The following DIAPH3 variants were observed in gnomAD, a reference collection of about 807,000 sequenced individuals.
DIAPH3 encodes the protein protein diaphanous homolog 3.
DIAPH3 carries 117 observed loss-of-function variants against 144.3 expected under a neutral mutation model. The ratio of observed to expected loss-of-function variants is 0.81; its 90% CI spans 0.70 to 0.95. The LOEUF is 0.95. Ranked by LOEUF, DIAPH3 falls within the 40% of genes least tolerant of loss-of-function variation. DIAPH3 has a pLI of 0.00. For missense variants in DIAPH3, 1,421 were observed against 1,412.7 expected (o/e 1.01, Z -0.09); for synonymous variants, 519 against 488.9 (o/e 1.06, Z -0.81).
intron 25 of DIAPH3, among the ~76,000 whole-genome samples, chr13:59,797,429 TGAAG>T (rs1372171480): frequency 2.0e-5 from 3 of 152,216 alleles, no homozygotes; most frequent in African/African-American, 7.2e-5. Context: ...ATTCTGCTAA[TGAAG>T]GAAGTATTTC....
chr13:59,802,922 G>A (rs2040014169), intron 25 of DIAPH3, among the ~76,000 whole-genome samples: 1 of 150,732 alleles, frequency 6.6e-6, no homozygotes, highest in Non-Finnish European at 1.5e-5. Context: ...CTGACCTCAT[G>A]ATCCACCCGC....
intron 25 of DIAPH3, among the ~76,000 whole-genome samples, chr13:59,798,821 G>A (rs1223014515): frequency 6.6e-6 from 1 of 152,178 alleles, no homozygotes; most frequent in Non-Finnish European, 1.5e-5. Flanking sequence ...ATCCCAGGAG[G>A]AAGTGGCGCA....
intron 27 of DIAPH3, among the ~76,000 whole-genome samples, chr13:59,705,927 C>T (rs2034395341): frequency 6.6e-6 from 1 of 151,686 alleles, no homozygotes; most frequent in Non-Finnish European, 1.5e-5. Context: ...TGATAATTAA[C>T]TATGTATATA....
intron 17 of DIAPH3, among the ~76,000 whole-genome samples, chr13:59,964,176 G>A (rs339533): frequency 0.67 from 102,388 of 151,820 alleles, 35,223 homozygotes; most frequent in Admixed American, 0.75. Flanking sequence ...TGATAGCTAC[G>A]GACACACCAC....
chr13:59,825,035 AT>A (rs1262173847), intron 24 of DIAPH3, among the ~76,000 whole-genome samples: 1 of 63,164 alleles, frequency 1.6e-5, no homozygotes, highest in Admixed American at 2.0e-4. Flanking sequence ...TGACACATTT[AT>A]TTTATTTATT....
chr13:59,936,992 T>C (rs1189061027), intron 17 of DIAPH3, among the ~76,000 whole-genome samples: 2 of 152,102 alleles, frequency 1.3e-5, no homozygotes, highest in Admixed American at 6.5e-5. Flanking sequence ...TGAAACCCCA[T>C]CTCTACTAAA....
intron 25 of DIAPH3, among the ~76,000 whole-genome samples, chr13:59,807,597 C>G (rs1487665527): frequency 6.6e-6 from 1 of 151,042 alleles, no homozygotes; most frequent in Non-Finnish European, 1.5e-5. Context: ...AGAGGGCACC[C>G]CTGAAAAATG....
intron 27 of DIAPH3, among the ~76,000 whole-genome samples, chr13:59,732,772 T>C (rs2035952699): frequency 6.6e-6 from 1 of 152,118 alleles, no homozygotes; most frequent in East Asian, 1.9e-4. Flanking sequence ...ATATATCTGA[T>C]GAAAGGTACC....
chr13:59,839,194 G>T, intron 23 of DIAPH3, 130 bp downstream of exon 23: 1 of 1,077,010 alleles, frequency 9.3e-7, no homozygotes, highest in Non-Finnish European at 1.4e-6. Context: ...CTGCAAGAAG[G>T]CAAAGGTTAA....
chr13:59,721,114 G>T (rs1335617473), intron 27 of DIAPH3, among the ~76,000 whole-genome samples: 1 of 152,036 alleles, frequency 6.6e-6, no homozygotes, highest in African/African-American at 2.4e-5. Context: ...CACAAATCAA[G>T]AATTTTGATT....
At chr13:59,797,844 A>G (rs1174613370) in intron 25 of DIAPH3, among the ~76,000 whole-genome samples, 1 of 152,172 alleles carries the variant, frequency 6.6e-6, no homozygotes, top group Non-Finnish European at 1.5e-5. Flanking sequence ...TTCTCGGTTA[A>G]TCTAGCTACA....
At chr13:59,991,906 A>G (rs1460941350) in intron 11 of DIAPH3, among the ~76,000 whole-genome samples, 162 bp downstream of exon 11, 1 of 152,084 alleles carries the variant, frequency 6.6e-6, no homozygotes, top group Non-Finnish European at 1.5e-5. Flanking sequence ...ATGTGTATTC[A>G]TAAAAACACA....
At chr13:59,761,323 T>C (rs954333386) in intron 27 of DIAPH3, among the ~76,000 whole-genome samples, 5 of 152,290 alleles carry the variant, frequency 3.3e-5, no homozygotes, top group African/African-American at 1.2e-4. Context: ...ACATCAGTGT[T>C]TCAAAATGCG....
chr13:60,142,665 GC>G (rs1405079458), intron 1 of DIAPH3, among the ~76,000 whole-genome samples: 1 of 151,876 alleles, frequency 6.6e-6, no homozygotes, highest in Non-Finnish European at 1.5e-5. Flanking sequence ...CCCTCCTCCA[GC>G]TCCTACCATC....
chr13:59,964,001 G>A (rs1216096868), intron 17 of DIAPH3, among the ~76,000 whole-genome samples: 1 of 152,180 alleles, frequency 6.6e-6, no homozygotes, highest in African/African-American at 2.4e-5. Flanking sequence ...GCAAAGAACT[G>A]CCTAAAATAG....
intron 9 of DIAPH3, among the ~76,000 whole-genome samples, chr13:60,002,044 G>A (rs1483473082): frequency 6.6e-6 from 1 of 152,140 alleles, no homozygotes; most frequent in Non-Finnish European, 1.5e-5. Context: ...TGAACAAGGG[G>A]AAGTTTGCGC....
At chr13:59,782,726 A>T (rs1326854254) in intron 25 of DIAPH3, among the ~76,000 whole-genome samples, 1 of 152,180 alleles carries the variant, frequency 6.6e-6, no homozygotes, top group Non-Finnish European at 1.5e-5. Context: ...AATGTGGTAC[A>T]GGGTGGTGGG....
intron 2 of DIAPH3, among the ~76,000 whole-genome samples, chr13:60,117,508 T>C (rs1041451218): frequency 1.3e-5 from 2 of 152,058 alleles, no homozygotes; most frequent in Non-Finnish European, 2.9e-5. Flanking sequence ...AGGCTAAAAG[T>C]AAAAGCATTC....
At chr13:59,838,544 T>A (rs1010728942) in intron 23 of DIAPH3, 8 of 152,180 alleles carry the variant, frequency 5.3e-5, no homozygotes, top group Admixed American at 3.3e-4. Flanking sequence ...TTAAATTTTA[T>A]GGAGCACAAA....
Sources: gnomAD v4.1 joint callset for allele counts (sites outside exome capture counted in the v4.1 genomes callset) on GRCh38, gnomAD v4.1.1 for gene constraint, MANE v1.5 for transcripts, NCBI Gene and HGNC (gene_info 2026-07-23, HGNC 2026-07-21) for gene names.